MACROD2: variants seen among roughly 807,000 people sequenced by gnomAD.
The protein encoded by MACROD2 is mono-ADP ribosylhydrolase 2, also known as ADP-ribose glycohydrolase MACROD2.
In MACROD2, 36 loss-of-function variants were observed where a neutral mutation model predicts 70.4. The ratio of observed to expected loss-of-function variants is 0.51; its 90% CI spans 0.39 to 0.68. The LOEUF (loss-of-function observed/expected upper bound fraction) is 0.68. Among genes scored for constraint, MACROD2 ranks in the 30% least tolerant of loss-of-function variants. MACROD2 has a pLI of 0.00. For synonymous variants in MACROD2, 172 were observed against 178.8 expected, an observed-to-expected ratio of 0.96 and a Z score of 0.30; for missense variants, 496 against 538.4, an observed-to-expected ratio of 0.92 and a Z score of 0.78.
chr20:15,695,644 C>T (rs1410414343), intron 8 of MACROD2, among the ~76,000 whole-genome samples: 2 of 152,164 alleles, frequency 1.3e-5, no homozygotes, highest in East Asian at 1.9e-4. Flanking sequence ...CTCCTGACCT[C>T]GTGATCCACC....
chr20:15,442,793 TA>T (rs10713915), intron 7 of MACROD2, among the ~76,000 whole-genome samples: 64,571 of 151,964 alleles, frequency 0.42, 13,829 homozygotes, highest in African/African-American at 0.48. Context: ...TAAATTAGTT[TA>T]GGGGCAGTGT....
chr20:15,431,054 G>T (rs1283661196), intron 6 of MACROD2, among the ~76,000 whole-genome samples: 2 of 151,976 alleles, frequency 1.3e-5, no homozygotes, highest in African/African-American at 4.8e-5. Context: ...AGTCAAATGT[G>T]CAAAGTAATT....
chr20:14,045,681 G>T (rs2053462646), intron 2 of MACROD2, among the ~76,000 whole-genome samples: 1 of 152,074 alleles, frequency 6.6e-6, no homozygotes, highest in Non-Finnish European at 1.5e-5. Flanking sequence ...ACAAATAGCA[G>T]AATTAGACCC....
At chr20:15,775,241 T>C (rs2051701985) in intron 8 of MACROD2, among the ~76,000 whole-genome samples, 1 of 152,038 alleles carries the variant, frequency 6.6e-6, no homozygotes, top group Admixed American at 6.5e-5. Flanking sequence ...TACAAAAAAA[T>C]GGCAGTACAA....
intron 8 of MACROD2, among the ~76,000 whole-genome samples, chr20:15,714,376 T>G (rs1052304234): frequency 6.6e-6 from 1 of 152,230 alleles, no homozygotes; most frequent in African/African-American, 2.4e-5. Flanking sequence ...GTAAAGGACA[T>G]TTTAGCCACC....
At chr20:14,067,123 GTTTT>G (rs544348706) in intron 2 of MACROD2, among the ~76,000 whole-genome samples, 2 of 85,046 alleles carry the variant, frequency 2.4e-5, no homozygotes, top group Non-Finnish European at 2.3e-5. Flanking sequence ...ATTTTTTAGT[GTTTT>G]TTTTTTTTTT....
At chr20:14,342,316 T>C (rs79847115) in intron 3 of MACROD2, among the ~76,000 whole-genome samples, 2,187 of 152,316 alleles carry the variant, frequency 0.014, 34 homozygotes, top group Non-Finnish European at 0.021. Flanking sequence ...ATTTTATACA[T>C]GTATAAACTT....
intron 3 of MACROD2, among the ~76,000 whole-genome samples, chr20:14,213,998 C>G (rs756052106): frequency 5.3e-5 from 8 of 151,922 alleles, no homozygotes; most frequent in Non-Finnish European, 1.2e-4. Context: ...TTTTGTGCAC[C>G]TACTTGCCTT....
At chr20:14,992,739 A>G (rs750829872) in intron 5 of MACROD2, among the ~76,000 whole-genome samples, 16 of 152,172 alleles carry the variant, frequency 1.1e-4, no homozygotes, top group Non-Finnish European at 2.4e-4. Context: ...ACATGCATCT[A>G]GTTTACACAT....
intron 8 of MACROD2, among the ~76,000 whole-genome samples, chr20:15,740,844 A>G (rs145126131): frequency 6.6e-6 from 1 of 151,888 alleles, no homozygotes; most frequent in African/African-American, 2.4e-5. Flanking sequence ...CGTTAGCTCA[A>G]CCTTCAAATT....
At chr20:15,847,598 T>C (rs1440275151) in intron 8 of MACROD2, among the ~76,000 whole-genome samples, 1 of 152,160 alleles carries the variant, frequency 6.6e-6, no homozygotes, top group African/African-American at 2.4e-5. Flanking sequence ...GAATCGAGTT[T>C]AGAAAATAAA....
intron 10 of MACROD2, among the ~76,000 whole-genome samples, chr20:15,901,328 T>A (rs2065060957): frequency 6.6e-6 from 1 of 152,164 alleles, no homozygotes. Flanking sequence ...ATGGTTTGAT[T>A]TAGGATTTTT....
At chr20:15,849,277 TTC>T (rs2064269733) in intron 8 of MACROD2, among the ~76,000 whole-genome samples, 1 of 152,212 alleles carries the variant, frequency 6.6e-6, no homozygotes, top group Admixed American at 6.5e-5. Flanking sequence ...AACGAAAAGA[TTC>T]TTTCTTGCAG....
chr20:15,279,859 T>A (rs2077427648), intron 6 of MACROD2, among the ~76,000 whole-genome samples: 1 of 152,148 alleles, frequency 6.6e-6, no homozygotes, highest in Non-Finnish European at 1.5e-5. Context: ...AATTCTAGGC[T>A]TAGGATCAAC....
chr20:14,202,752 A>G (rs749521330), intron 3 of MACROD2, among the ~76,000 whole-genome samples: 1 of 152,210 alleles, frequency 6.6e-6, no homozygotes, highest in Non-Finnish European at 1.5e-5. Flanking sequence ...GGAGGTAGAA[A>G]TTCTCAAACA....
chr20:15,489,168 A>C (rs2047197433), intron 7 of MACROD2, among the ~76,000 whole-genome samples: 1 of 152,208 alleles, frequency 6.6e-6, no homozygotes, highest in Non-Finnish European at 1.5e-5. Context: ...ACCAAAGCTG[A>C]ATATAGTAGA....
At chr20:14,635,292 C>G (rs1332476086) in intron 4 of MACROD2, among the ~76,000 whole-genome samples, 1 of 152,144 alleles carries the variant, frequency 6.6e-6, no homozygotes, top group Non-Finnish European at 1.5e-5. Context: ...CCAATGCTTT[C>G]ACTCATCTTG....
At chr20:14,355,251 A>T (rs1643287780) in intron 3 of MACROD2, among the ~76,000 whole-genome samples, 1 of 152,234 alleles carries the variant, frequency 6.6e-6, no homozygotes, top group Admixed American at 6.5e-5. Flanking sequence ...CAAAATTAAC[A>T]TAAAAGATAC....
At chr20:14,269,543 G>A (rs1432875148) in intron 3 of MACROD2, among the ~76,000 whole-genome samples, 3 of 152,010 alleles carry the variant, frequency 2.0e-5, no homozygotes, top group Non-Finnish European at 4.4e-5. Flanking sequence ...AAGTATTTTG[G>A]GGGTAAAGAG....
Sources: gnomAD v4.1 joint callset for allele counts (sites outside exome capture counted in the v4.1 genomes callset) on GRCh38, gnomAD v4.1.1 for gene constraint, MANE v1.5 for transcripts, NCBI Gene and HGNC (gene_info 2026-07-23, HGNC 2026-07-21) for gene names.